FAAH2: variants seen among roughly 807,000 people sequenced by gnomAD.
FAAH2 encodes fatty acid amide hydrolase 2.
In FAAH2, 60 loss-of-function variants were observed where a neutral mutation model predicts 36.9. The ratio of observed to expected loss-of-function variants is 1.63; its 90% CI spans 1.32 to 2.02. FAAH2 has a LOEUF of 2.02. Among genes scored for constraint, FAAH2 ranks in the 30% most tolerant of loss-of-function variants. The pLI is 0.00. For missense variants in FAAH2, 689 were observed against 397.5 expected (o/e 1.73, Z -6.23); for synonymous variants, 214 against 143.8 (o/e 1.49, Z -3.49).
At chrX:57,485,425 G>A (rs1324687853) in intron 10 of FAAH2, among the ~76,000 whole-genome samples, 1 of 111,464 alleles carries the variant, frequency 9.0e-6, no homozygotes, top group Non-Finnish European at 1.9e-5. Context: ...GTGTGAAGCA[G>A]TATAAGTGGG....
At chrX:57,161,140 G>T in the FAAH2 span, among the ~76,000 whole-genome samples, 1 of 112,030 alleles carries the variant, frequency 8.9e-6, no homozygotes, top group Non-Finnish European at 1.9e-5. Flanking sequence ...TTAGGAGCAG[G>T]TTGTCCGGTT....
At chrX:57,296,969 A>G (rs969579959) in intron 2 of FAAH2, among the ~76,000 whole-genome samples, 2 of 109,909 alleles carry the variant, frequency 1.8e-5, no homozygotes, top group African/African-American at 6.6e-5. Context: ...CACCAAATCT[A>G]TGTCTGATTG....
the FAAH2 span, among the ~76,000 whole-genome samples, chrX:57,148,165 C>G: frequency 9.0e-6 from 1 of 111,203 alleles, no homozygotes; most frequent in East Asian, 2.8e-4. Flanking sequence ...GTTACTGTAG[C>G]CTTGTAGTAT....
intron 3 of FAAH2, among the ~76,000 whole-genome samples, chrX:57,330,497 G>T (rs1271084952): frequency 1.8e-5 from 2 of 111,423 alleles, no homozygotes; most frequent in African/African-American, 3.3e-5. Context: ...TTTTAATTTT[G>T]CCCCGGTCCT....
At chrX:57,316,013 A>G (rs1447413160) in intron 3 of FAAH2, among the ~76,000 whole-genome samples, 2 of 111,837 alleles carry the variant, frequency 1.8e-5, no homozygotes, top group Non-Finnish European at 3.8e-5. Context: ...TAAAGACTCC[A>G]TCAAAATCCT....
intron 10 of FAAH2, among the ~76,000 whole-genome samples, chrX:57,478,606 T>A (rs941167852): frequency 9.0e-6 from 1 of 111,693 alleles, no homozygotes; most frequent in Non-Finnish European, 1.9e-5. Flanking sequence ...TCTTCTAGGG[T>A]TTTTATGGTT....
chrX:57,170,288 G>A, the FAAH2 span, among the ~76,000 whole-genome samples: 2 of 111,888 alleles, frequency 1.8e-5, no homozygotes, highest in African/African-American at 6.5e-5. Context: ...TATTCATGTT[G>A]TAACATGTGA....
chrX:57,142,640 T>A, the FAAH2 span, among the ~76,000 whole-genome samples: 1 of 111,559 alleles, frequency 9.0e-6, no homozygotes, highest in African/African-American at 3.3e-5. Flanking sequence ...TGGTGCAGAT[T>A]AAGTCTGATA....
At chrX:57,291,076 A>C (rs1490016432) in intron 1 of FAAH2, among the ~76,000 whole-genome samples, 1 of 112,199 alleles carries the variant, frequency 8.9e-6, no homozygotes. Flanking sequence ...TGATTGATGA[A>C]TAAAGAACAT....
At chrX:57,257,260 C>A in the FAAH2 span, among the ~76,000 whole-genome samples, 2 of 111,971 alleles carry the variant, frequency 1.8e-5, no homozygotes, top group Admixed American at 1.9e-4. Flanking sequence ...TATTGTGGTA[C>A]TATTCAGAAG....
intron 5 of FAAH2, among the ~76,000 whole-genome samples, chrX:57,347,513 GA>G (rs2053853782): frequency 9.1e-6 from 1 of 109,313 alleles, no homozygotes; most frequent in Non-Finnish European, 1.9e-5. Flanking sequence ...ACTTTCTCCT[GA>G]ATCTCGATGA....
At chrX:57,199,052 T>C in the FAAH2 span, among the ~76,000 whole-genome samples, 1 of 110,296 alleles carries the variant, frequency 9.1e-6, no homozygotes, top group Non-Finnish European at 1.9e-5. Flanking sequence ...GGAGCAAAAG[T>C]TCAGAATGTG....
At chrX:57,202,964 T>C in the FAAH2 span, among the ~76,000 whole-genome samples, 2 of 112,049 alleles carry the variant, frequency 1.8e-5, no homozygotes, top group Admixed American at 9.5e-5. Flanking sequence ...ACTATTGTTT[T>C]CTTAAGGTCC....
chrX:57,485,554 A>G (rs1464751079), intron 10 of FAAH2, among the ~76,000 whole-genome samples: 1 of 111,941 alleles, frequency 8.9e-6, no homozygotes, highest in Non-Finnish European at 1.9e-5. Flanking sequence ...GGAAGGAGGG[A>G]TGGCATAACT....
At chrX:57,233,147 G>T in the FAAH2 span, among the ~76,000 whole-genome samples, 11 of 111,527 alleles carry the variant, frequency 9.9e-5, no homozygotes, top group African/African-American at 3.6e-4. Flanking sequence ...CTAGCCAGGG[G>T]CTTTTTCTTC....
chrX:57,301,140 C>A (rs1473854579), intron 2 of FAAH2, among the ~76,000 whole-genome samples: 2 of 108,909 alleles, frequency 1.8e-5, no homozygotes, highest in East Asian at 5.8e-4. Flanking sequence ...ATAAATCATG[C>A]TGCTATAAAG....
intron 2 of FAAH2, among the ~76,000 whole-genome samples, chrX:57,300,857 A>G (rs1356850090): frequency 3.6e-5 from 4 of 112,428 alleles, no homozygotes. Flanking sequence ...AACACATGAA[A>G]AAATGCTCAT....
intron 2 of FAAH2, among the ~76,000 whole-genome samples, chrX:57,293,423 A>T (rs959156648): frequency 1.8e-5 from 2 of 112,122 alleles, no homozygotes; most frequent in African/African-American, 6.5e-5. Flanking sequence ...ATCATAATAG[A>T]TACTTTATAC....
chrX:57,380,976 G>A lies in FAAH2; in HGVS notation c.943G>A (p.Gly315Ser), dbSNP rs371388365. The change falls in exon 7 of 11, where the codon GGC (glycine) becomes AGC (serine). Residue 315 changes from glycine (G) to serine (S), a missense_variant. Coordinates refer to ENST00000374900, the MANE Select transcript of FAAH2 (RefSeq NM_174912.4). ...ATTTTACTGGATGGAACATGATGGA[G>A]GCTCATTTTTAATGTCCAAAGTGGA... The part of the protein sequence containing the change: ...LKFYWMEHDG[G>S]SFLMSKVDQD... The A allele has an allele frequency of 4.2e-6, 5 of 1,199,962 alleles. No homozygotes were observed. The highest frequency in any genetic ancestry group is 5.6e-6 in the Non-Finnish European group (5 of 890,802).
Sources: gnomAD v4.1 joint callset for allele counts (sites outside exome capture counted in the v4.1 genomes callset) on GRCh38, gnomAD v4.1.1 for gene constraint, MANE v1.5 for transcripts, NCBI Gene and HGNC (gene_info 2026-07-23, HGNC 2026-07-21) for gene names.